The following TNFRSF19 variants were observed in gnomAD, a reference collection of about 807,000 sequenced individuals.
TNFRSF19 encodes TNF receptor superfamily member 19.
In TNFRSF19, 27 loss-of-function variants were observed where a neutral mutation model predicts 46.4. The ratio of observed to expected loss-of-function variants is 0.58; its 90% CI spans 0.43 to 0.80. The LOEUF (loss-of-function observed/expected upper bound fraction) is 0.80. TNFRSF19 is among the 30% of genes least tolerant of loss of function. The pLI is 0.00. For missense variants in TNFRSF19, 511 were observed against 530.8 expected (o/e 0.96, Z 0.37); for synonymous variants, 204 against 205.0 (o/e 1.00, Z 0.04).
chr13:23,587,667 G>A (rs986549207), intron 1 of TNFRSF19, among the ~76,000 whole-genome samples: 6 of 152,132 alleles, frequency 3.9e-5, no homozygotes, highest in African/African-American at 9.7e-5. Context: ...TCAGCATGGC[G>A]GGATGCTGAG....
At chr13:23,613,752 C>G (rs376028589) in intron 3 of TNFRSF19, among the ~76,000 whole-genome samples, 3 of 152,156 alleles carry the variant, frequency 2.0e-5, no homozygotes, top group Non-Finnish European at 4.4e-5. Context: ...GAGTGGGAGG[C>G]TCTCTCCTAT....
At chr13:23,629,547 T>C (rs553212809) in intron 5 of TNFRSF19, among the ~76,000 whole-genome samples, 1 of 152,256 alleles carries the variant, frequency 6.6e-6, no homozygotes, top group East Asian at 1.9e-4. Flanking sequence ...AATGGAGTGG[T>C]ACCTGCCTGC....
chr13:23,601,669 TACAC>T (rs36121874), intron 3 of TNFRSF19, among the ~76,000 whole-genome samples: 18 of 151,388 alleles, frequency 1.2e-4, no homozygotes, highest in Non-Finnish European at 2.1e-4. Flanking sequence ...TGCTTGTGTG[TACAC>T]ACACACACAC....
At chr13:23,650,048 T>G (rs1883543527) in intron 5 of TNFRSF19, among the ~76,000 whole-genome samples, 1 of 152,206 alleles carries the variant, frequency 6.6e-6, no homozygotes, top group South Asian at 2.1e-4. Context: ...CCTGTCATTC[T>G]TAGAATAGAA....
rs562061089 is a variant in TNFRSF19 at position 23,638,348 on chromosome 13, G to A, written c.445+11556G>A. Among the ~76,000 whole-genome samples the A allele has an allele frequency of 2.6e-5, 4 of 152,256 alleles. No homozygotes were observed. In the South Asian group the frequency reaches 8.3e-4, roughly 32 times the overall value. ...ACAAAACAGCTGTACTTACAATCCG[G>A]CAAGTGCCAAAGAGGATCCTGAAGC... On this transcript the variant is annotated intron_variant, in intron 5 of 9. Coordinates refer to ENST00000248484, the MANE Select transcript of TNFRSF19 (RefSeq NM_148957.4).
intron 3 of TNFRSF19, among the ~76,000 whole-genome samples, chr13:23,599,009 T>C (rs1879932875): frequency 6.6e-6 from 1 of 152,252 alleles, no homozygotes; most frequent in Non-Finnish European, 1.5e-5. Context: ...TTATGCATTC[T>C]GCAAGTGGCT....
chr13:23,661,197 C>T (rs772593111), intron 7 of TNFRSF19, among the ~76,000 whole-genome samples: 2 of 152,224 alleles, frequency 1.3e-5, no homozygotes, highest in Non-Finnish European at 2.9e-5. Context: ...TCCTCCCACA[C>T]TCCACCCTCA....
chr13:23,608,411 A>G (rs7338660), intron 3 of TNFRSF19, among the ~76,000 whole-genome samples: 41,477 of 152,198 alleles, frequency 0.27, 5,933 homozygotes, highest in South Asian at 0.34. Context: ...TCCTTACAAC[A>G]TATGTTTTAA....
At chr13:23,643,329 G>T (rs776667626) in intron 5 of TNFRSF19, among the ~76,000 whole-genome samples, 1 of 152,228 alleles carries the variant, frequency 6.6e-6, no homozygotes, top group Non-Finnish European at 1.5e-5. Flanking sequence ...GCAGTAGAGA[G>T]CTTTGATTCA....
chr13:23,652,454 T>C (rs1883707130), intron 5 of TNFRSF19, among the ~76,000 whole-genome samples: 1 of 152,226 alleles, frequency 6.6e-6, no homozygotes, highest in South Asian at 2.1e-4. Context: ...ACATTTGGCA[T>C]ATAATAAGAT....
chr13:23,655,643 C>T (rs546619813), intron 5 of TNFRSF19, among the ~76,000 whole-genome samples: 8 of 152,076 alleles, frequency 5.3e-5, no homozygotes, highest in South Asian at 4.2e-4. Flanking sequence ...TTTCCTTTAG[C>T]GTAGATAAGT....
intron 3 of TNFRSF19, among the ~76,000 whole-genome samples, chr13:23,612,802 C>T (rs899928030): frequency 6.6e-6 from 1 of 152,080 alleles, no homozygotes; most frequent in African/African-American, 2.4e-5. Context: ...CAAAGACCTC[C>T]ACCACATTAA....
intron 3 of TNFRSF19, among the ~76,000 whole-genome samples, chr13:23,599,665 G>C (rs944770801): frequency 2.6e-5 from 4 of 152,122 alleles, no homozygotes; most frequent in Non-Finnish European, 5.9e-5. Context: ...CAATAGAAAG[G>C]GTTAAGATAA....
intron 7 of TNFRSF19, among the ~76,000 whole-genome samples, chr13:23,667,554 T>C (rs1951663166): frequency 6.6e-6 from 1 of 152,230 alleles, no homozygotes; most frequent in Non-Finnish European, 1.5e-5. Flanking sequence ...CGCTTATTAT[T>C]GTAGTGAAAT....
At chr13:23,577,160 G>A (rs149674764) in intron 1 of TNFRSF19, among the ~76,000 whole-genome samples, 232 of 152,366 alleles carry the variant, frequency 1.5e-3, no homozygotes, top group African/African-American at 5.1e-3. Flanking sequence ...CTGAATGACA[G>A]GTTGGCATTG....
intron 3 of TNFRSF19, among the ~76,000 whole-genome samples, chr13:23,595,146 T>C (rs1290221600): frequency 1.3e-5 from 2 of 152,138 alleles, no homozygotes; most frequent in Non-Finnish European, 1.5e-5. Flanking sequence ...TCCACAAAGA[T>C]GAGGAAAAAC....
At chr13:23,645,385 A>G (rs1883272227) in intron 5 of TNFRSF19, among the ~76,000 whole-genome samples, 1 of 151,952 alleles carries the variant, frequency 6.6e-6, no homozygotes, top group African/African-American at 2.4e-5. Context: ...TATTTTTAGT[A>G]GAGACGGGTT....
intron 7 of TNFRSF19, 149 bp downstream of exon 7, chr13:23,660,639 A>G: frequency 2.1e-6 from 2 of 930,666 alleles, no homozygotes; most frequent in Admixed American, 3.7e-5. Context: ...ATTCTCCACC[A>G]TCTCCTGTTG....
intron 3 of TNFRSF19, among the ~76,000 whole-genome samples, chr13:23,601,669 TAC>T (rs36121874): frequency 0.29 from 44,451 of 151,078 alleles, 6,606 homozygotes; most frequent in South Asian, 0.34. Flanking sequence ...TGCTTGTGTG[TAC>T]ACACACACAC....
Sources: gnomAD v4.1 joint callset for allele counts (sites outside exome capture counted in the v4.1 genomes callset) on GRCh38, gnomAD v4.1.1 for gene constraint, MANE v1.5 for transcripts, NCBI Gene and HGNC (gene_info 2026-07-23, HGNC 2026-07-21) for gene names.